The following RSPH14 variants were observed in gnomAD, a reference collection of about 807,000 sequenced individuals.
The protein encoded by RSPH14 is rhabdoid tumor deletion region gene 1.
Under a neutral mutation model 26.7 loss-of-function variants are expected in RSPH14, and 20 were observed. The observed-to-expected ratio is 0.75, with a 90% CI of 0.53 to 1.09. RSPH14 has a LOEUF of 1.09. Ranked by LOEUF, RSPH14 falls within the 50% of genes least tolerant of loss-of-function variation. The pLI, the probability that RSPH14 is intolerant of heterozygous loss-of-function variation, is 0.00. For synonymous variants in RSPH14, 177 were observed against 189.3 expected, an observed-to-expected ratio of 0.93 and a Z score of 0.53; for missense variants, 449 against 457.2, an observed-to-expected ratio of 0.98 and a Z score of 0.16.
intron 4 of RSPH14, among the ~76,000 whole-genome samples, chr22:23,065,138 G>A (rs1319858045): frequency 1.3e-5 from 2 of 152,214 alleles, no homozygotes; most frequent in Non-Finnish European, 2.9e-5. Context: ...ACTCTAGAGA[G>A]AGAAATAAAC....
intron 4 of RSPH14, chr22:23,131,597 A>G (rs2070360730): frequency 1.5e-6 from 2 of 1,302,946 alleles, no homozygotes; most frequent in Non-Finnish European, 2.0e-6. Flanking sequence ...TCATTGTAAG[A>G]GGACTGGTTG....
At chr22:23,138,796 T>C in intron 3 of RSPH14, 44 bp downstream of exon 3, 1 of 1,492,976 alleles carries the variant, frequency 6.7e-7, no homozygotes, top group Non-Finnish European at 9.1e-7. Flanking sequence ...AGGGGAGAAG[T>C]GCGGCTCGCA....
intron 4 of RSPH14, among the ~76,000 whole-genome samples, chr22:23,092,557 T>C (rs535696219): frequency 1.4e-3 from 207 of 152,304 alleles, no homozygotes; most frequent in African/African-American, 4.9e-3. Flanking sequence ...TTGGCCCTGA[T>C]GCATGTGATT....
chr22:23,103,599 C>T lies in RSPH14; in HGVS notation c.421+30427G>A, dbSNP rs541236656. 9.9e-5 allele frequency among the ~76,000 whole-genome samples: 15 copies of T among 152,246 alleles called. No individual in the cohort carries two copies. The South Asian group carries it at 1.9e-3, about 19-fold the overall frequency. On this transcript the variant is annotated intron_variant, in intron 4 of 6. Transcript: ENST00000216036. Reference sequence around the variant, plus strand: ...CTGCCTCCCTCCCGCTCTTCCTCGGCAGATTTAAGAGAATCCTACTCCACA... The same window carrying T: ...CTGCCTCCCTCCCGCTCTTCCTCGGTAGATTTAAGAGAATCCTACTCCACA...
chr22:23,067,565 G>T (rs926352906), intron 4 of RSPH14, among the ~76,000 whole-genome samples: 1 of 152,208 alleles, frequency 6.6e-6, no homozygotes, highest in Non-Finnish European at 1.5e-5. Context: ...TTGCTCCAAG[G>T]GGTGCTTCTC....
intron 4 of RSPH14, among the ~76,000 whole-genome samples, chr22:23,073,726 TCA>T (rs1234705033): frequency 2.0e-5 from 3 of 152,146 alleles, no homozygotes; most frequent in Non-Finnish European, 2.9e-5. Context: ...GAGCAGAACC[TCA>T]CGCGATTCAT....
the RSPH14 span, among the ~76,000 whole-genome samples, chr22:23,158,678 C>T: frequency 6.6e-6 from 1 of 152,222 alleles, no homozygotes. Context: ...GGGTCTTCAC[C>T]ACCTCCAGCC....
At chr22:23,069,069 C>T (rs113303482) in intron 4 of RSPH14, among the ~76,000 whole-genome samples, 31 of 152,332 alleles carry the variant, frequency 2.0e-4, no homozygotes, top group African/African-American at 6.5e-4. Context: ...AGGTACGTAA[C>T]GCAATGGTCT....
At chr22:23,092,949 T>C (rs913235379) in intron 4 of RSPH14, among the ~76,000 whole-genome samples, 1 of 152,206 alleles carries the variant, frequency 6.6e-6, no homozygotes, top group Non-Finnish European at 1.5e-5. Flanking sequence ...CCTGCTGGAA[T>C]GATGGTGCTG....
chr22:23,152,500 C>T, the RSPH14 span: 11 of 1,614,058 alleles, frequency 6.8e-6, no homozygotes, highest in African/African-American at 8.0e-5. Flanking sequence ...GCGATCTCTA[C>T]GTGGGGAAGA....
the RSPH14 span, chr22:23,152,980 C>T: frequency 7.7e-7 from 1 of 1,292,168 alleles, no homozygotes; most frequent in East Asian, 2.3e-5. Flanking sequence ...AGTGAAGCTT[C>T]CGGGCACATT....
chr22:23,146,534 G>A (rs2070783482), upstream of RSPH14: 1 of 1,565,858 alleles, frequency 6.4e-7, no homozygotes, highest in African/African-American at 1.4e-5. Context: ...AAAGTTAGGT[G>A]GAAACTCATG....
At chr22:23,104,912 C>G (rs1023374333) in intron 4 of RSPH14, among the ~76,000 whole-genome samples, 1 of 152,192 alleles carries the variant, frequency 6.6e-6, no homozygotes, top group Non-Finnish European at 1.5e-5. Context: ...TCAGGGGGGA[C>G]ACCCAGTGTT....
the RSPH14 span, among the ~76,000 whole-genome samples, chr22:23,170,237 G>A: frequency 6.6e-6 from 1 of 152,054 alleles, no homozygotes; most frequent in East Asian, 1.9e-4. Flanking sequence ...ACTCAAACAA[G>A]TACATTGCCT....
At position 23,087,362 on chromosome 22, in the gene RSPH14, G is replaced by T. The variant is rs1375135291; in HGVS notation, c.422-23229C>A. On this transcript the variant is annotated intron_variant, in intron 4 of 6. Transcript: ENST00000216036. ...GTGCCTGCAGTCCCAGCTACTCGAG[G>T]CTCAGGTGGGAGGATCGCTTGAGCC... Among the ~76,000 whole-genome samples the T allele has an allele frequency of 2.0e-5, 3 of 152,160 alleles. No individual in the cohort carries two copies. In the East Asian group the frequency reaches 5.8e-4, roughly 29 times the overall value.
At chr22:23,083,503 A>T (rs906667783) in intron 4 of RSPH14, among the ~76,000 whole-genome samples, 1 of 152,122 alleles carries the variant, frequency 6.6e-6, no homozygotes. Context: ...TCCTCCATCT[A>T]TCCATCCATC....
rs115801364 is a variant in RSPH14, at chr22:23,129,233, G to C, written c.421+4793C>G. The stretch of plus-strand genomic sequence containing the variant: ...AGATCTCCTGGGCGTCTGCCACATT[G>C]CCTCCTTCCCTTCCTCCCTCTGCTC... On this transcript the variant is annotated intron_variant, in intron 4 of 6. Coordinates refer to ENST00000216036, the MANE Select transcript of RSPH14 (RefSeq NM_014433.3). 3.7e-3 allele frequency among the ~76,000 whole-genome samples: 568 copies of C among 152,232 alleles called. 6 individuals are homozygous for C. The highest frequency in any genetic ancestry group is 0.013 in the African/African-American group (543 of 41,544).
the RSPH14 span, chr22:23,150,301 T>G: frequency 3.1e-6 from 2 of 639,354 alleles, no homozygotes; most frequent in Non-Finnish European, 5.3e-6. Context: ...TTCTTTTTTT[T>G]TTCTTTTTTT....
upstream of RSPH14, chr22:23,145,225 G>A: frequency 1.2e-6 from 1 of 820,660 alleles, no homozygotes; most frequent in Non-Finnish European, 1.9e-6. Context: ...CTCAGGCTCC[G>A]CCCCCGGGCC....
Sources: allele counts gnomAD v4.1 joint callset (sites outside exome capture counted in the v4.1 genomes callset), GRCh38; gene constraint gnomAD v4.1.1; transcripts MANE v1.5; gene names NCBI Gene and HGNC (gene_info 2026-07-23, HGNC 2026-07-21).